SOX6: variants seen among roughly 807,000 people sequenced by gnomAD.
SOX6 encodes SRY-box transcription factor 6.
Under a neutral mutation model 97.8 loss-of-function variants are expected in SOX6, and 11 were observed. The observed-to-expected ratio is 0.11, with a 90% CI of 0.07 to 0.19. SOX6 has a LOEUF of 0.19. Among genes scored for constraint, SOX6 ranks in the 10% least tolerant of loss-of-function variants. The probability of loss-of-function intolerance (pLI) is 1.00; values close to 1 mark genes in which losing one functional copy is unlikely to be tolerated. For missense variants in SOX6, 810 were observed against 1,039.5 expected, an observed-to-expected ratio of 0.78 and a Z score of 3.04; for synonymous variants, 360 against 371.4, an observed-to-expected ratio of 0.97 and a Z score of 0.35.
At chr11:15,990,158 C>G (rs1354197774) in intron 13 of SOX6, among the ~76,000 whole-genome samples, 1 of 151,886 alleles carries the variant, frequency 6.6e-6, no homozygotes, top group African/African-American at 2.4e-5. Context: ...GACTATCTCC[C>G]TCCTTTCCAC....
intron 6 of SOX6, among the ~76,000 whole-genome samples, chr11:16,170,683 A>T (rs1160323619): frequency 6.6e-6 from 1 of 152,038 alleles, no homozygotes; most frequent in Admixed American, 6.6e-5. Context: ...ACACAGGGGC[A>T]CATGTTCTGT....
At chr11:16,523,819 G>GAA (rs1861111089) in intron 4 of SOX6, among the ~76,000 whole-genome samples, 2 of 152,176 alleles carry the variant, frequency 1.3e-5, no homozygotes, top group South Asian at 4.1e-4. Context: ...CGATCCCACA[G>GAA]AAATACAAAC....
intron 3 of SOX6, among the ~76,000 whole-genome samples, chr11:16,647,697 G>T (rs1490214015): frequency 6.6e-6 from 1 of 152,204 alleles, no homozygotes; most frequent in African/African-American, 2.4e-5. Context: ...CAAAGTGTGA[G>T]ACAGGGGACC....
chr11:16,452,762 A>G (rs1170676084), intron 1 of SOX6, among the ~76,000 whole-genome samples: 3 of 152,198 alleles, frequency 2.0e-5, no homozygotes, highest in African/African-American at 7.2e-5. Context: ...AAAAAAATGG[A>G]CATATAAATA....
At chr11:16,432,055 T>C (rs1859281239) in intron 1 of SOX6, among the ~76,000 whole-genome samples, 1 of 152,112 alleles carries the variant, frequency 6.6e-6, no homozygotes, top group Non-Finnish European at 1.5e-5. Context: ...CACTAAGTCC[T>C]ACCAATTATA....
chr11:16,018,300 A>G (rs1386988223), intron 12 of SOX6, among the ~76,000 whole-genome samples: 2 of 152,078 alleles, frequency 1.3e-5, no homozygotes, highest in African/African-American at 4.8e-5. Flanking sequence ...TGAACAAACC[A>G]TTCAACTCTT....
chr11:16,341,183 C>G lies in SOX6; in HGVS notation c.66G>C (p.Gln22His). ...CAADGEDAMT[Q>H]DLTSREKEEG... ...CTTCCTTTTCCCTTGAGGTTAAATCCTGGGTCATTGCATCCTCTCCATCAG... is the reference window on the plus strand; with the variant it reads ...CTTCCTTTTCCCTTGAGGTTAAATCGTGGGTCATTGCATCCTCTCCATCAG... The change falls in exon 2 of 16, where the codon CAG becomes CAC. Residue 22 changes from glutamine to histidine, a missense_variant. Transcript: ENST00000683767. The G allele has an allele frequency of 6.2e-7, 1 of 1,613,406 alleles. No homozygotes were observed. The highest frequency in any genetic ancestry group is 8.5e-7 in the Non-Finnish European group (1 of 1,179,602).
At position 16,613,438 on chromosome 11, in the gene SOX6, T is replaced by C. The variant is rs528726220; in HGVS notation, n.430-1178A>G. Among the ~76,000 whole-genome samples the C allele has an allele frequency of 6.6e-6, 1 of 152,110 alleles. No homozygotes were observed. Among genetic ancestry groups the C allele is most frequent in the Non-Finnish European group, 1.5e-5 (1 of 67,978 alleles). ...CTGGCGGCGGCAACCAGAGCCTCTG[T>C]CTTGCCAGTTGCGCACTCTGAGACA... On this transcript the variant is annotated intron_variant and non_coding_transcript_variant, in intron 3 of 5. Transcript: ENST00000524520. The surrounding 1 kb of genome is among the most constrained non-coding windows in gnomAD (Gnocchi z 4.6).
At chr11:15,997,359 A>G (rs1854256834) in intron 13 of SOX6, among the ~76,000 whole-genome samples, 1 of 152,230 alleles carries the variant, frequency 6.6e-6, no homozygotes, top group Admixed American at 6.5e-5. Flanking sequence ...AAGAAGGAAC[A>G]CTTCTTAATT....
intron 4 of SOX6, among the ~76,000 whole-genome samples, chr11:16,500,529 T>G (rs904061966): frequency 1.3e-5 from 2 of 152,210 alleles, no homozygotes; most frequent in South Asian, 4.1e-4. Flanking sequence ...TTGTCCCTGT[T>G]TGCAGATGAC....
intron 1 of SOX6, chr11:16,402,607 G>A: frequency 6.6e-7 from 1 of 1,524,292 alleles, no homozygotes; most frequent in Non-Finnish European, 9.1e-7. Context: ...TTTAATGAAA[G>A]CAGACTGAAG....
chr11:16,612,371 C>T (rs569581083), intron 3 of SOX6: 1 of 152,404 alleles, frequency 6.6e-6, no homozygotes, highest in Admixed American at 6.5e-5. Context: ...GGCAATAAAT[C>T]TATTACACTT....
At chr11:16,152,110 A>G (rs1313051013) in intron 6 of SOX6, among the ~76,000 whole-genome samples, 7 of 152,178 alleles carry the variant, frequency 4.6e-5, no homozygotes. Flanking sequence ...GATGTTTTTG[A>G]CAAAAACATG....
intron 1 of SOX6, among the ~76,000 whole-genome samples, chr11:16,383,698 AT>A (rs958412396): frequency 2.0e-5 from 3 of 152,012 alleles, no homozygotes; most frequent in African/African-American, 7.2e-5. Context: ...ATTAAATGGC[AT>A]CACATGTAAA....
intron 6 of SOX6, 57 bp from the exon 7 acceptor site, chr11:16,111,980 ATTTG>A: frequency 6.2e-7 from 1 of 1,608,548 alleles, no homozygotes; most frequent in Non-Finnish European, 8.5e-7. Context: ...GCCAAGAAGA[ATTTG>A]TTTTTCACTC....
intron 4 of SOX6, among the ~76,000 whole-genome samples, chr11:16,195,726 C>G (rs1306653371): frequency 6.6e-6 from 1 of 152,156 alleles, no homozygotes; most frequent in Non-Finnish European, 1.5e-5. Context: ...GTTTCAGGCC[C>G]AAATACAGTA....
chr11:16,183,522 A>G (rs1223871992), intron 6 of SOX6, among the ~76,000 whole-genome samples: 7 of 152,006 alleles, frequency 4.6e-5, no homozygotes, highest in African/African-American at 1.7e-4. Context: ...AATTAAAAGT[A>G]AGTTCTCTCT....
At chr11:15,983,585 C>T (rs1481036916) in intron 15 of SOX6, among the ~76,000 whole-genome samples, 2 of 152,014 alleles carry the variant, frequency 1.3e-5, no homozygotes. Flanking sequence ...TAATAAAGAT[C>T]AATTTCCAAA....
In SOX6 at chr11:16,605,169, A is replaced by C. The variant is rs1848319975; in HGVS notation, n.609+6912T>G. Among the ~76,000 whole-genome samples the C allele has an allele frequency of 6.6e-6, 1 of 151,722 alleles. No homozygotes were observed. The highest frequency in any genetic ancestry group is 1.5e-5 in the Non-Finnish European group (1 of 67,864). Reference sequence around the variant, plus strand: ...GGACCGCGGCCCCGGCTGCAGAGGAACGGCGGGTGGCGGGGCCCCGGCAGG... The same window carrying C: ...GGACCGCGGCCCCGGCTGCAGAGGACCGGCGGGTGGCGGGGCCCCGGCAGG... On this transcript the variant is annotated intron_variant and non_coding_transcript_variant, in intron 4 of 5. Transcript: ENST00000524520. This position sits in a 1 kb window ranked among gnomAD's most constrained non-coding sequence, Gnocchi z 5.3.
Sources: allele counts gnomAD v4.1 joint callset (sites outside exome capture counted in the v4.1 genomes callset), GRCh38; gene constraint gnomAD v4.1.1; non-coding constraint Gnocchi (gnomAD v3.1); transcripts MANE v1.5; gene names NCBI Gene and HGNC (gene_info 2026-07-23, HGNC 2026-07-21).